The following DNAH5 variants were observed in gnomAD, a reference collection of about 807,000 sequenced individuals.
DNAH5 encodes dynein axonemal heavy chain 5, also known as axonemal beta dynein heavy chain 5.
Under a neutral mutation model 518.2 loss-of-function variants are expected in DNAH5, and 372 were observed. The ratio of observed to expected loss-of-function variants is 0.72; its 90% CI spans 0.66 to 0.78. DNAH5 has a LOEUF of 0.78. Ranked by LOEUF, DNAH5 falls within the 30% of genes least tolerant of loss-of-function variation. The probability of loss-of-function intolerance (pLI) is 0.00; values close to 1 mark genes in which losing one functional copy is unlikely to be tolerated. For synonymous variants in DNAH5, 2,039 were observed against 2,025.9 expected, an observed-to-expected ratio of 1.01 and a Z score of -0.17; for missense variants, 5,523 against 5,687.0, an observed-to-expected ratio of 0.97 and a Z score of 0.93.
At chr5:13,791,643 T>C (rs1394431402) in intron 50 of DNAH5, among the ~76,000 whole-genome samples, 2 of 152,206 alleles carry the variant, frequency 1.3e-5, no homozygotes, top group Non-Finnish European at 2.9e-5. Context: ...AAGACTATTA[T>C]ATAGTAAAAT....
At chr5:13,968,352 G>C (rs1259670754) in intron 1 of DNAH5, among the ~76,000 whole-genome samples, 1 of 152,072 alleles carries the variant, frequency 6.6e-6, no homozygotes, top group East Asian at 1.9e-4. Flanking sequence ...GTACTATGTT[G>C]AATAGAAGTG....
intron 1 of DNAH5, among the ~76,000 whole-genome samples, chr5:13,931,750 T>G (rs1778448948): frequency 6.6e-6 from 1 of 152,220 alleles, no homozygotes. Flanking sequence ...GAATAAGGCA[T>G]GCTTAATGTA....
chr5:13,953,672 T>C (rs1197186612), intron 1 of DNAH5, among the ~76,000 whole-genome samples: 2 of 152,222 alleles, frequency 1.3e-5, no homozygotes, highest in African/African-American at 4.8e-5. Context: ...TCAAATATTA[T>C]ATCATTCAAA....
intron 1 of DNAH5, among the ~76,000 whole-genome samples, chr5:13,976,845 C>T (rs1782299223): frequency 6.6e-6 from 1 of 152,022 alleles, no homozygotes; most frequent in South Asian, 2.1e-4. Context: ...ATTACAAAGA[C>T]TTCATACCAA....
At position 13,839,534 on chromosome 5, in the gene DNAH5, A is replaced by T; in HGVS notation, c.5710-6T>A. The T allele has an allele frequency of 3.7e-6, 6 of 1,612,112 alleles. No homozygotes were observed. The highest frequency in any genetic ancestry group is 5.1e-6 in the Non-Finnish European group (6 of 1,178,486). On this transcript the variant is annotated splice_polypyrimidine_tract_variant and splice_region_variant and intron_variant, in intron 34 of 78. Coordinates refer to ENST00000265104, the MANE Select transcript of DNAH5 (RefSeq NM_001369.3). ...CTCTTGATATGCATATGACACTGAA[A>T]TTCAAAAGGTATATGTTAGAGCTCT...
At chr5:13,946,311 C>A (rs77184086), upstream of DNAH5, among the ~76,000 whole-genome samples, 1 of 152,112 alleles carries the variant, frequency 6.6e-6, no homozygotes, top group African/African-American at 2.4e-5. Flanking sequence ...CAGGCATAAC[C>A]ATGACTCCCT....
At position 13,721,241 on chromosome 5, in the gene DNAH5, C is replaced by T. The variant is rs1312294784; in HGVS notation, c.12038G>A (p.Arg4013His). The T allele has an allele frequency of 7.4e-6, 12 of 1,613,954 alleles. No homozygotes were observed. The highest frequency in any genetic ancestry group is 2.2e-5 in the East Asian group (1 of 44,896). ...WCPDRTIAQA[R>H]KYIVDSMGEK... ...TCCCATGGAGTCCACGATGTACTTGCGGGCCTGCCAAAAACAGTATACAAG... is the reference window on the plus strand; with the variant it reads ...TCCCATGGAGTCCACGATGTACTTGTGGGCCTGCCAAAAACAGTATACAAG... The change falls in exon 71 of 79, where the codon CGC becomes CAC. Residue 4013 changes from arginine to histidine, a missense_variant. Around this residue, in one of 3 missense-constraint regions of DNAH5, gnomAD observed 5,121 missense variants for 5,223.3 expected, o/e 0.98. Transcript: ENST00000265104.
rs560267080 is a variant in DNAH5 at position 13,883,039 on chromosome 5, G to T, written c.3039C>A (p.Ser1013Arg). Residue 1013 changes from serine to arginine, a missense_variant, in exon 20 of 79, where the codon AGC (serine) becomes AGA (arginine). This residue lies in a region of DNAH5 where 5,121 missense variants were observed against 5,223.3 expected (regional missense o/e 0.98). Transcript: ENST00000265104. ...KQNSLPIFRA[S>R]VTLAIPNIVM... is the part of the protein sequence containing the mutation. Reference sequence around the variant, plus strand: ...CGATGTTGGGAATGGCCAGAGTGACGCTTGCCCGGAAAATGGGCAAACTGT... The same window carrying T: ...CGATGTTGGGAATGGCCAGAGTGACTCTTGCCCGGAAAATGGGCAAACTGT... 4.3e-6 allele frequency: 7 copies of T among 1,614,026 alleles called. No individual in the cohort carries two copies. The highest frequency in any genetic ancestry group is 5.9e-6 in the Non-Finnish European group (7 of 1,180,020).
Position 13,810,127 on chromosome 5 carries a change from C to T in DNAH5, c.7541G>A (p.Gly2514Glu). ...LELWLRSRPT[G>E]TLELPPPAGP... ...CGCTGGCGGCGGCAGCTCCAGCGTC[C>T]CTGTGGGCCGAGAGCGCAGCCAGAG... Residue 2514 changes from glycine (G) to glutamate (E), a missense_variant, in exon 45 of 79, where the codon GGG becomes GAG. Gly to Glu is a moderately conservative substitution (Grantham distance 98). Coordinates refer to ENST00000265104, the MANE Select transcript of DNAH5 (RefSeq NM_001369.3). 3 of 1,550,118 alleles carry T rather than the reference C, an allele frequency of 1.9e-6. No individual in the cohort carries two copies. Among genetic ancestry groups the T allele is most frequent in the Non-Finnish European group, 2.6e-6 (3 of 1,146,854 alleles).
intron 1 of DNAH5, among the ~76,000 whole-genome samples, chr5:13,987,811 G>A (rs942495071): frequency 1.3e-5 from 2 of 150,092 alleles, no homozygotes; most frequent in Non-Finnish European, 2.9e-5. Context: ...CCAAGATGGC[G>A]CCACTGCACT....
chr5:13,791,729 T>C (rs190334543), intron 50 of DNAH5, among the ~76,000 whole-genome samples: 4 of 152,298 alleles, frequency 2.6e-5, no homozygotes, highest in East Asian at 3.9e-4. Flanking sequence ...AATAAATCAA[T>C]TGTTTCTTTT....
At chr5:13,986,068 C>T (rs774709245) in intron 1 of DNAH5, among the ~76,000 whole-genome samples, 1 of 152,172 alleles carries the variant, frequency 6.6e-6, no homozygotes, top group Non-Finnish European at 1.5e-5. Context: ...ATGACCACAC[C>T]GAAGGAGTGC....
intron 36 of DNAH5, 27 bp downstream of exon 36, chr5:13,830,570 C>T: frequency 1.2e-6 from 2 of 1,612,740 alleles, no homozygotes; most frequent in East Asian, 2.2e-5. Flanking sequence ...TGCAATTTCT[C>T]ACCAGATTAA....
rs751187327 is a variant in DNAH5 at position 13,776,721 on chromosome 5, C to G, written c.9106-15G>C. ...AGGTTAGAGACCTTAAAAAGAAGTA[C>G]AGGCATGCAAATTCAGTACACACAT... On this transcript the variant is annotated splice_polypyrimidine_tract_variant and intron_variant, in intron 54 of 78. Coordinates refer to ENST00000265104, the MANE Select transcript of DNAH5 (RefSeq NM_001369.3). 1 of 1,613,062 alleles carries G rather than the reference C, an allele frequency of 6.2e-7. No individual in the cohort carries two copies. The highest frequency in any genetic ancestry group is 1.1e-5 in the South Asian group (1 of 91,068).
At chr5:13,948,099 A>G (rs1365004799), upstream of DNAH5, among the ~76,000 whole-genome samples, 4 of 152,218 alleles carry the variant, frequency 2.6e-5, no homozygotes, top group Admixed American at 6.5e-5. Context: ...CAGAAGCTCC[A>G]TGTGAGGAAG....
chr5:13,851,370 C>T (rs1336427472), intron 30 of DNAH5, among the ~76,000 whole-genome samples: 2 of 152,156 alleles, frequency 1.3e-5, no homozygotes, highest in South Asian at 2.1e-4. Context: ...TGCAGGTGCT[C>T]GGTCACAGCT....
intron 47 of DNAH5, among the ~76,000 whole-genome samples, chr5:13,796,226 A>G (rs961553918): frequency 2.6e-5 from 4 of 152,156 alleles, no homozygotes; most frequent in Non-Finnish European, 5.9e-5. Flanking sequence ...AAAGAAATAA[A>G]GGGTATTCGA....
chr5:13,912,830 T>C (rs1437330841), intron 11 of DNAH5, among the ~76,000 whole-genome samples: 1 of 151,962 alleles, frequency 6.6e-6, no homozygotes, highest in Non-Finnish European at 1.5e-5. Context: ...TGATTAATCG[T>C]GACCTTTACA....
In DNAH5 at chr5:13,792,120, C is replaced by T. The variant is rs1757094356; in HGVS notation, c.8322G>A (p.Trp2774Ter). The T allele has an allele frequency of 6.2e-7, 1 of 1,613,836 alleles. No homozygotes were observed. Among genetic ancestry groups the T allele is most frequent in the African/African-American group, 1.3e-5 (1 of 74,872 alleles). ...GAAGCATTTTAATCTTGGTCATCTG[C>T]CATAGTCGGCGTGTCAGAGGCACCA... ...TKLVPLTRRLWQMTKIKMLPT... is the reference protein window; with the variant it reads ...TKLVPLTRRL Residue 2774 changes from tryptophan (W) to a stop codon, truncating the protein, a stop_gained, in exon 50 of 79, where the codon TGG (tryptophan) becomes TGA (stop). Coordinates refer to ENST00000265104, the MANE Select transcript of DNAH5 (RefSeq NM_001369.3). LOFTEE classifies it high-confidence loss of function.
Sources: gnomAD v4.1 joint callset for allele counts (sites outside exome capture counted in the v4.1 genomes callset) on GRCh38, gnomAD v4.1.1 for gene constraint, gnomAD v4.1.1 regional missense constraint, MANE v1.5 for transcripts, NCBI Gene and HGNC (gene_info 2026-07-23, HGNC 2026-07-21) for gene names.